Variants in ZNRF1 observed in about 807,000 individuals in gnomAD.
ZNRF1 encodes the protein E3 ubiquitin-protein ligase ZNRF1.
ZNRF1 carries 3 observed loss-of-function variants against 18.4 expected under a neutral mutation model. That is an observed-to-expected ratio of 0.16 (90% CI 0.07 to 0.42). ZNRF1 has a LOEUF of 0.42. Ranked by LOEUF, ZNRF1 falls within the 10% of genes least tolerant of loss-of-function variation. The pLI is 0.99. For missense variants in ZNRF1, 310 were observed against 329.8 expected (o/e 0.94, Z 0.47); for synonymous variants, 157 against 144.2 (o/e 1.09, Z -0.64).
chr16:75,012,627 C>G (rs1375508983), intron 1 of ZNRF1, among the ~76,000 whole-genome samples: 1 of 152,160 alleles, frequency 6.6e-6, no homozygotes, highest in African/African-American at 2.4e-5. Flanking sequence ...ATACTGAGAG[C>G]TTAGAACAAG....
At chr16:75,043,834 G>GGCT (rs1486090583) in intron 1 of ZNRF1, among the ~76,000 whole-genome samples, 1 of 79,988 alleles carries the variant, frequency 1.3e-5, no homozygotes, top group Non-Finnish European at 2.5e-5. Context: ...TTGTTGCCCA[G>GGCT]GCTGGAGGGT....
intron 1 of ZNRF1, among the ~76,000 whole-genome samples, chr16:75,066,815 T>G (rs1479396975): frequency 7.9e-5 from 12 of 152,176 alleles, no homozygotes; most frequent in Admixed American, 7.9e-4. Context: ...AGATCTAGTA[T>G]TATAAAATGA....
At chr16:75,107,461 G>T (rs2036331032) in intron 4 of ZNRF1, 1 of 305,578 alleles carries the variant, frequency 3.3e-6, no homozygotes, top group Non-Finnish European at 6.5e-6. Flanking sequence ...CAGAACAGCT[G>T]ATGATGTCAG....
chr16:75,061,904 G>A (rs1233937697), intron 1 of ZNRF1, among the ~76,000 whole-genome samples: 1 of 152,222 alleles, frequency 6.6e-6, no homozygotes, highest in African/African-American at 2.4e-5. Context: ...TGGCCCAAGT[G>A]TAGTAGAACT....
intron 1 of ZNRF1, 62 bp from the exon 2 acceptor site, chr16:75,093,510 A>G (rs2036164968): frequency 7.5e-7 from 1 of 1,334,144 alleles, no homozygotes; most frequent in Middle Eastern, 1.8e-4. Context: ...GAGAGTGTCC[A>G]CATGTACTGT....
chr16:75,023,058 G>A (rs992946832), intron 1 of ZNRF1, among the ~76,000 whole-genome samples: 8 of 152,150 alleles, frequency 5.3e-5, no homozygotes, highest in Non-Finnish European at 1.2e-4. Flanking sequence ...ACGCTTTGGG[G>A]AAAATGGAGA....
At chr16:75,076,219 C>G (rs2035939403) in intron 1 of ZNRF1, among the ~76,000 whole-genome samples, 1 of 152,158 alleles carries the variant, frequency 6.6e-6, no homozygotes, top group Non-Finnish European at 1.5e-5. Context: ...TATCTATAAT[C>G]TTTCTCTTGT....
rs2036092553 is a variant in ZNRF1, at chr16:75,087,894, C to A, written c.425-5678C>A. Among the ~76,000 whole-genome samples, 2 of 152,234 alleles carry A rather than the reference C, an allele frequency of 1.3e-5. 1 individual carries two copies. The highest frequency in any genetic ancestry group is 4.1e-4 in the South Asian group (2 of 4,838). ...AGGGAGCCGCTGGGGCGCTGGCTGGCTACTCCCCTGGCCTCCAGGGTGTGC... is the reference window on the plus strand; with the variant it reads ...AGGGAGCCGCTGGGGCGCTGGCTGGATACTCCCCTGGCCTCCAGGGTGTGC... On this transcript the variant is annotated intron_variant, in intron 1 of 4. Transcript: ENST00000335325.
chr16:75,010,719 G>A (rs9923049), intron 1 of ZNRF1, among the ~76,000 whole-genome samples: 1 of 85,048 alleles, frequency 1.2e-5, no homozygotes, highest in South Asian at 3.1e-4. Context: ...TTGTTTTTTT[G>A]TTTTTTTTTT....
chr16:75,095,517 C>A, intron 2 of ZNRF1: 1 of 1,357,386 alleles, frequency 7.4e-7, no homozygotes, highest in Non-Finnish European at 9.7e-7. Context: ...TTCTTTCCCA[C>A]ATGTGTGGAG....
intron 2 of ZNRF1, among the ~76,000 whole-genome samples, chr16:75,099,451 C>T (rs968268805): frequency 2.6e-5 from 4 of 152,104 alleles, no homozygotes; most frequent in Non-Finnish European, 5.9e-5. Flanking sequence ...GCCGTGCTCG[C>T]CATTCTGGTT....
intron 1 of ZNRF1, among the ~76,000 whole-genome samples, chr16:75,062,047 A>G (rs2035750627): frequency 6.6e-6 from 1 of 152,262 alleles, no homozygotes; most frequent in Admixed American, 6.5e-5. Flanking sequence ...ACAAGTGTCA[A>G]TGAAAAAATA....
chr16:75,098,821 C>G (rs1384864880), intron 2 of ZNRF1, among the ~76,000 whole-genome samples: 2 of 152,214 alleles, frequency 1.3e-5, no homozygotes, highest in African/African-American at 4.8e-5. Context: ...CACGGGCTTT[C>G]CCTCCCAGCC....
rs1240869791 is a variant in ZNRF1 at position 75,000,053 on chromosome 16, C to T, written c.382C>T (p.Leu128=). 1.2e-6 allele frequency: 2 copies of T among 1,601,498 alleles called. No homozygotes were observed. Among genetic ancestry groups the T allele is most frequent in the Non-Finnish European group, 1.7e-6 (2 of 1,175,330 alleles). The change falls in exon 1 of 5, where the codon CTA becomes TTA. Residue 128 remains leucine, a synonymous_variant. Coordinates refer to ENST00000335325, the MANE Select transcript of ZNRF1 (RefSeq NM_032268.5). The part of the protein sequence containing the change: ...LGSRASLADA[L]PLHIAPRWFS... Reference sequence around the variant, plus strand: ...CTCCCGAGCCTCGCTGGCGGATGCTCTACCTCTGCACATCGCACCCAGGTG... The same window carrying T: ...CTCCCGAGCCTCGCTGGCGGATGCTTTACCTCTGCACATCGCACCCAGGTG...
At chr16:75,082,393 G>A (rs1306469139) in intron 1 of ZNRF1, among the ~76,000 whole-genome samples, 1 of 152,224 alleles carries the variant, frequency 6.6e-6, no homozygotes, top group Non-Finnish European at 1.5e-5. Flanking sequence ...CTGGAATACT[G>A]TTGCTGAGGA....
chr16:75,012,428 G>C (rs1350752324), intron 1 of ZNRF1, among the ~76,000 whole-genome samples: 1 of 152,068 alleles, frequency 6.6e-6, no homozygotes, highest in East Asian at 1.9e-4. Flanking sequence ...CTTACTGTCT[G>C]TGCCCCCCTT....
intron 1 of ZNRF1, among the ~76,000 whole-genome samples, chr16:75,083,405 C>G (rs1369771410): frequency 6.6e-6 from 1 of 152,180 alleles, no homozygotes; most frequent in Non-Finnish European, 1.5e-5. Flanking sequence ...GATGCCTAGT[C>G]TGATTCTCTT....
chr16:75,010,711 G>GTTTTTGTTTTTTT (rs2034986440), intron 1 of ZNRF1, among the ~76,000 whole-genome samples: 3 of 74,324 alleles, frequency 4.0e-5, no homozygotes, highest in South Asian at 3.8e-4. Context: ...GTTTTTTTTT[G>GTTTTTGTTTTTTT]TTTTTTTGTT....
intron 1 of ZNRF1, among the ~76,000 whole-genome samples, chr16:75,081,296 G>A (rs1047694964): frequency 2.0e-5 from 3 of 152,222 alleles, no homozygotes; most frequent in Non-Finnish European, 4.4e-5. Context: ...GAGGGCACCT[G>A]CCAAGAGCGA....
Sources: allele counts gnomAD v4.1 joint callset (sites outside exome capture counted in the v4.1 genomes callset), GRCh38; gene constraint gnomAD v4.1.1; transcripts MANE v1.5; gene names NCBI Gene and HGNC (gene_info 2026-07-23, HGNC 2026-07-21).